SERPINB10: variants seen among roughly 807,000 people sequenced by gnomAD.
SERPINB10 encodes serpin B10.
In SERPINB10, 35 loss-of-function variants were observed where a neutral mutation model predicts 39.1. The observed-to-expected ratio is 0.90, with a 90% CI of 0.68 to 1.19. SERPINB10 has a LOEUF of 1.19. SERPINB10 is among the 50% of genes most tolerant of loss of function. The probability of loss-of-function intolerance (pLI) is 0.00; values close to 1 mark genes in which losing one functional copy is unlikely to be tolerated. For missense variants in SERPINB10, 546 were observed against 460.5 expected (o/e 1.19, Z -1.70); for synonymous variants, 190 against 158.1 (o/e 1.20, Z -1.52).
chr18:63,929,596 A>G (rs1450243577), intron 5 of SERPINB10, among the ~76,000 whole-genome samples: 1 of 152,110 alleles, frequency 6.6e-6, no homozygotes, highest in Non-Finnish European at 1.5e-5. Flanking sequence ...GTAGAGAAGT[A>G]ACTTCCTTTT....
chr18:63,913,224 C>A (rs2050077639), intron 1 of SERPINB10, among the ~76,000 whole-genome samples: 1 of 151,784 alleles, frequency 6.6e-6, no homozygotes, highest in Non-Finnish European at 1.5e-5. Context: ...TTCAAAAAAC[C>A]AACTTTTGGT....
intron 5 of SERPINB10, among the ~76,000 whole-genome samples, chr18:63,921,015 A>T (rs1170634066): frequency 6.6e-6 from 1 of 151,964 alleles, no homozygotes; most frequent in African/African-American, 2.4e-5. Flanking sequence ...CAGCAATAGG[A>T]TTTCGAATAT....
Position 63,917,534 on chromosome 18 carries a change from C to T in SERPINB10, c.234+13C>T. On this transcript the variant is annotated intron_variant, in intron 3 of 7. Transcript: ENST00000238508. ...AAAAAGGAAAATGGTATATCTTATC[C>T]TTTAATATATATTTCATAATTAAGG... 1 of 1,413,130 alleles carries T rather than the reference C, an allele frequency of 7.1e-7. No individual in the cohort carries two copies. Among genetic ancestry groups the T allele is most frequent in the Non-Finnish European group, 9.7e-7 (1 of 1,035,930 alleles). 87.5% of individuals were successfully genotyped at this position (1,413,130 alleles called of 1,614,324 possible).
chr18:63,922,850 G>A (rs1425491167), intron 5 of SERPINB10, among the ~76,000 whole-genome samples: 1 of 151,876 alleles, frequency 6.6e-6, no homozygotes, highest in African/African-American at 2.4e-5. Context: ...TGTGACTGAG[G>A]AACTGAATTT....
chr18:63,913,025 A>AAACATGAT (rs1278626328), intron 1 of SERPINB10, among the ~76,000 whole-genome samples: 92 of 151,954 alleles, frequency 6.1e-4, no homozygotes, highest in African/African-American at 2.1e-3. Flanking sequence ...TGTTTTCAGG[A>AAACATGAT]ATTTATTCAT....
At chr18:63,916,347 T>TAA (rs67094942) in intron 2 of SERPINB10, among the ~76,000 whole-genome samples, 2 of 136,616 alleles carry the variant, frequency 1.5e-5, no homozygotes, top group Non-Finnish European at 1.6e-5. Context: ...TGATTTTAAA[T>TAA]AAAAAAAAAA....
intron 5 of SERPINB10, among the ~76,000 whole-genome samples, chr18:63,927,297 C>A (rs1311655598): frequency 1.3e-5 from 2 of 151,920 alleles, no homozygotes; most frequent in East Asian, 3.9e-4. Context: ...GGTTGAAGAT[C>A]AAAAGTATTT....
intron 1 of SERPINB10, among the ~76,000 whole-genome samples, chr18:63,909,638 C>A (rs1168907987): frequency 1.3e-5 from 2 of 151,878 alleles, no homozygotes; most frequent in Admixed American, 1.3e-4. Flanking sequence ...CTGGAATAAC[C>A]ATACACTGAG....
chr18:63,928,949 G>A (rs981954128), intron 5 of SERPINB10, among the ~76,000 whole-genome samples: 3 of 152,088 alleles, frequency 2.0e-5, no homozygotes, highest in Admixed American at 6.6e-5. Context: ...AATTTCGGTG[G>A]CCTATGTGAA....
intron 4 of SERPINB10, among the ~76,000 whole-genome samples, chr18:63,919,252 C>CTTTTTT (rs2050128591): frequency 1.1e-5 from 1 of 91,096 alleles, no homozygotes. Flanking sequence ...TTTTTTTTTG[C>CTTTTTT]CTCAGAATGC....
At chr18:63,921,765 G>A (rs558622125) in intron 5 of SERPINB10, among the ~76,000 whole-genome samples, 74 of 151,972 alleles carry the variant, frequency 4.9e-4, no homozygotes, top group Non-Finnish European at 9.0e-4. Context: ...TGACTGTGGA[G>A]CCTTGCTTGT....
At position 63,915,676 on chromosome 18, in the gene SERPINB10, C is replaced by G; in HGVS notation, c.166C>G (p.Gln56Glu). The change falls in exon 2 of 8, where the codon CAG (glutamine) becomes GAG (glutamate). Residue 56 changes from glutamine to glutamate, a missense_variant and splice_region_variant. Transcript: ENST00000238508. ...AGGTACCACTGCAGCCCAAATGGCC[C>G]AGGTGAGTGGAAAAGGTCAACTATC... ...AKGTTAAQMA[Q>E]VLQFNRDQGV... 4 of 1,603,902 alleles carry G rather than the reference C, an allele frequency of 2.5e-6. No homozygotes were observed. Among genetic ancestry groups the G allele is most frequent in the Non-Finnish European group, 3.4e-6 (4 of 1,173,552 alleles).
rs1475505376 is a variant in SERPINB10, at chr18:63,919,915, C to T, written c.490+10C>T. 1 of 1,556,038 alleles carries T rather than the reference C, an allele frequency of 6.4e-7. No individual in the cohort carries two copies. Among genetic ancestry groups the T allele is most frequent in the East Asian group, 2.3e-5 (1 of 44,242 alleles). On this transcript the variant is annotated intron_variant, in intron 5 of 7. Transcript: ENST00000238508. ...GAAAGACAGACCGAGGGTAAGCTTT[C>T]ACCAAGGGGTTTGGCAGCGTGCTTT...
At chr18:63,910,458 T>C (rs749286044) in intron 1 of SERPINB10, among the ~76,000 whole-genome samples, 2 of 151,926 alleles carry the variant, frequency 1.3e-5, no homozygotes, top group Non-Finnish European at 2.9e-5. Flanking sequence ...CTCCATTCTC[T>C]GCCTCCCCAT....
At chr18:63,934,663 T>C (rs950052280) in intron 7 of SERPINB10, among the ~76,000 whole-genome samples, 175 bp from the exon 8 acceptor site, 1 of 152,196 alleles carries the variant, frequency 6.6e-6, no homozygotes, top group Non-Finnish European at 1.5e-5. Flanking sequence ...AGAAAAAAGA[T>C]TTTGAAGGTC....
chr18:63,911,318 C>T (rs917763926), intron 1 of SERPINB10, among the ~76,000 whole-genome samples: 3 of 151,314 alleles, frequency 2.0e-5, no homozygotes, highest in East Asian at 1.9e-4. Context: ...GTTGCAATTG[C>T]TTTTGAAGAC....
At position 63,935,037 on chromosome 18, in the gene SERPINB10, A is replaced by T. The variant is rs764390825; in HGVS notation, c.989A>T (p.Asn330Ile). 6.2e-7 allele frequency: 1 copy of T among 1,614,048 alleles called. No individual in the cohort carries two copies. Among genetic ancestry groups the T allele is most frequent in the African/African-American group, 1.3e-5 (1 of 74,916 alleles). Reference sequence around the variant, plus strand: ...TTCTCAGGAATGTCTTCAGCAAGAAACCTATTTTTGTCCAATGTTTTCCAT... The same window carrying T: ...TTCTCAGGAATGTCTTCAGCAAGAATCCTATTTTTGTCCAATGTTTTCCAT... Reference protein sequence around the residue: ...ADFSGMSSARNLFLSNVFHKA... With the variant: ...ADFSGMSSARILFLSNVFHKA... The change falls in exon 8 of 8, where the codon AAC becomes ATC. Residue 330 changes from asparagine to isoleucine, a missense_variant. Coordinates refer to ENST00000238508, the MANE Select transcript of SERPINB10 (RefSeq NM_005024.3).
At chr18:63,934,472 A>AT (rs937803491) in intron 7 of SERPINB10, among the ~76,000 whole-genome samples, 2 of 152,186 alleles carry the variant, frequency 1.3e-5, no homozygotes, top group Admixed American at 6.5e-5. Flanking sequence ...GATAAACAAG[A>AT]TTTTTTGTGC....
Position 63,935,326 on chromosome 18 carries a change from ATGAGTT to A in SERPINB10, c.*87_*92del. 7.1e-7 allele frequency: 1 copy of A among 1,412,086 alleles called. No individual in the cohort carries two copies. Among genetic ancestry groups the A allele is most frequent in the Admixed American group, 2.3e-5 (1 of 42,914 alleles). The allele number at this position is 1,412,086 out of a possible 1,614,324, so 87.5% of individuals were successfully genotyped here. A position where few individuals can be genotyped will look rare whatever the true frequency, so the allele number is the denominator to read the frequency against. ...ATGGAAAAGCACAATTTTCACAAAA[ATGAGTT>A]TGTAGTCTAAACCTTTTTCACATTT... On this transcript the variant is annotated 3_prime_UTR_variant, in exon 8 of 8. Transcript: ENST00000238508.
Sources: gnomAD v4.1 joint callset for allele counts (sites outside exome capture counted in the v4.1 genomes callset) on GRCh38, gnomAD v4.1.1 for gene constraint, MANE v1.5 for transcripts, NCBI Gene and HGNC (gene_info 2026-07-23, HGNC 2026-07-21) for gene names.